Variants in LRRTM4 observed in about 807,000 individuals in gnomAD.
The protein encoded by LRRTM4 is leucine-rich repeat transmembrane neuronal protein 4.
Under a neutral mutation model 47.6 loss-of-function variants are expected in LRRTM4, and 25 were observed. The observed-to-expected ratio is 0.53, with a 90% CI of 0.38 to 0.73. The LOEUF (loss-of-function observed/expected upper bound fraction) is 0.73. Ranked by LOEUF, LRRTM4 falls within the 30% of genes least tolerant of loss-of-function variation. The pLI is 0.00. For synonymous variants in LRRTM4, 311 were observed against 269.5 expected (o/e 1.15, Z -1.51); for missense variants, 638 against 713.4 (o/e 0.89, Z 1.20).
At chr2:76,848,494 T>C (rs1671899191) in intron 3 of LRRTM4, among the ~76,000 whole-genome samples, 1 of 152,138 alleles carries the variant, frequency 6.6e-6, no homozygotes, top group Non-Finnish European at 1.5e-5. Flanking sequence ...ATTTTTCAAA[T>C]TCGTACTTTG....
intron 3 of LRRTM4, among the ~76,000 whole-genome samples, chr2:76,879,990 A>T (rs1010488409): frequency 5.9e-5 from 9 of 152,256 alleles, no homozygotes; most frequent in Non-Finnish European, 1.3e-4. Context: ...ATCTCATAAT[A>T]AAATTTCAGT....
At chr2:77,111,111 T>G (rs994894209) in intron 3 of LRRTM4, among the ~76,000 whole-genome samples, 1 of 151,868 alleles carries the variant, frequency 6.6e-6, no homozygotes, top group Admixed American at 6.6e-5. Context: ...GTTTTTTGTT[T>G]TGTTTTGTTT....
intron 3 of LRRTM4, chr2:76,987,332 T>G (rs1311469407): frequency 6.6e-6 from 1 of 151,876 alleles, no homozygotes; most frequent in African/African-American, 2.4e-5. Flanking sequence ...AATAATTTAT[T>G]CTTTTAAAAA....
At chr2:77,419,190 T>A (rs1269608205) in intron 3 of LRRTM4, among the ~76,000 whole-genome samples, 1 of 152,188 alleles carries the variant, frequency 6.6e-6, no homozygotes, top group Non-Finnish European at 1.5e-5. Context: ...TTCTTTGGCT[T>A]ACTCCCTATG....
intron 3 of LRRTM4, among the ~76,000 whole-genome samples, chr2:76,968,360 AT>A (rs1676102583): frequency 8.3e-6 from 1 of 120,568 alleles, no homozygotes; most frequent in Non-Finnish European, 1.8e-5. Flanking sequence ...ATATATATAT[AT>A]ATATATATAT....
chr2:77,108,728 C>G (rs999411264), intron 3 of LRRTM4, among the ~76,000 whole-genome samples: 1 of 151,664 alleles, frequency 6.6e-6, no homozygotes, highest in Non-Finnish European at 1.5e-5. Context: ...GGACTACAGG[C>G]GCCCGCCACC....
chr2:77,304,188 C>G (rs1054636477), intron 3 of LRRTM4, among the ~76,000 whole-genome samples: 4 of 152,072 alleles, frequency 2.6e-5, no homozygotes, highest in Non-Finnish European at 5.9e-5. Flanking sequence ...CTCTGCATTT[C>G]CCTCATCATT....
At chr2:77,145,046 AC>A (rs1426528291) in intron 3 of LRRTM4, among the ~76,000 whole-genome samples, 1 of 152,192 alleles carries the variant, frequency 6.6e-6, no homozygotes, top group African/African-American at 2.4e-5. Flanking sequence ...ATGGAATTGA[AC>A]AGCAAGTTAA....
intron 3 of LRRTM4, among the ~76,000 whole-genome samples, chr2:77,302,413 G>A (rs1036196167): frequency 2.6e-5 from 4 of 152,144 alleles, no homozygotes; most frequent in African/African-American, 9.7e-5. Context: ...CAATTCAGAT[G>A]CTGTTTTCCT....
chr2:77,054,043 C>T lies in LRRTM4; in HGVS notation c.1552-305127G>A, dbSNP rs552184337. Among the ~76,000 whole-genome samples the T allele has an allele frequency of 9.4e-4, 143 of 152,194 alleles. 1 individual carries two copies. The highest frequency in any genetic ancestry group is 1.7e-3 in the South Asian group (8 of 4,824). On this transcript the variant is annotated intron_variant, in intron 3 of 3. Coordinates refer to ENST00000409884, the MANE Select transcript of LRRTM4 (RefSeq NM_001134745.3). The stretch of plus-strand genomic sequence containing the variant: ...GGAGTTCTGACTCAAGTCAGCATGC[C>T]TAAAATGAAATCTGGCTTTGAATAG...
intron 3 of LRRTM4, among the ~76,000 whole-genome samples, chr2:77,292,697 TGGGGTGG>T (rs1189729726): frequency 2.0e-5 from 1 of 51,020 alleles, no homozygotes; most frequent in Non-Finnish European, 3.7e-5. Flanking sequence ...GGGACTGTTG[TGGGGTGG>T]GGGGAGGGGG....
At chr2:77,473,495 T>C (rs1407840107) in intron 3 of LRRTM4, among the ~76,000 whole-genome samples, 3 of 151,978 alleles carry the variant, frequency 2.0e-5, no homozygotes, top group African/African-American at 7.2e-5. Context: ...AGCCTTTTTT[T>C]CCCCCTTTCT....
intron 3 of LRRTM4, among the ~76,000 whole-genome samples, chr2:76,970,522 T>G (rs116827292): frequency 0.015 from 2,257 of 152,184 alleles, 26 homozygotes; most frequent in Non-Finnish European, 0.025. Context: ...TCAGCAACAC[T>G]TGTGGCATAT....
chr2:76,853,999 G>A (rs1387592647), intron 3 of LRRTM4, among the ~76,000 whole-genome samples: 1 of 152,060 alleles, frequency 6.6e-6, no homozygotes, highest in Admixed American at 6.6e-5. Flanking sequence ...TCTTTAAAAG[G>A]TTTTTAATAC....
intron 3 of LRRTM4, among the ~76,000 whole-genome samples, chr2:76,823,109 A>G (rs531130184): frequency 6.6e-6 from 1 of 151,574 alleles, no homozygotes; most frequent in East Asian, 1.9e-4. Flanking sequence ...TAATTTCATC[A>G]TTTTACATTG....
At chr2:77,449,891 T>A (rs1025346363) in intron 3 of LRRTM4, among the ~76,000 whole-genome samples, 1 of 152,192 alleles carries the variant, frequency 6.6e-6, no homozygotes, top group African/African-American at 2.4e-5. Flanking sequence ...CACTCCTACC[T>A]AAACCAGCCA....
At chr2:77,400,181 G>A (rs1272588131) in intron 3 of LRRTM4, among the ~76,000 whole-genome samples, 2 of 151,678 alleles carry the variant, frequency 1.3e-5, no homozygotes, top group African/African-American at 4.8e-5. Flanking sequence ...TTCTTGAAAT[G>A]CTTTCTTGAC....
chr2:76,845,658 A>G (rs1166792984), intron 3 of LRRTM4, among the ~76,000 whole-genome samples: 4 of 152,196 alleles, frequency 2.6e-5, no homozygotes, highest in Non-Finnish European at 2.9e-5. Flanking sequence ...AAATGGAAGT[A>G]CCACCAGGGG....
chr2:77,479,026 C>T (rs1292528493), intron 3 of LRRTM4, among the ~76,000 whole-genome samples: 1 of 152,104 alleles, frequency 6.6e-6, no homozygotes, highest in Non-Finnish European at 1.5e-5. Context: ...TCCTGAGTAG[C>T]TGGGATTATA....
Sources: allele counts gnomAD v4.1 joint callset (sites outside exome capture counted in the v4.1 genomes callset), GRCh38; gene constraint gnomAD v4.1.1; transcripts MANE v1.5; gene names NCBI Gene and HGNC (gene_info 2026-07-23, HGNC 2026-07-21).